Variants in NAE1 observed in about 807,000 individuals in gnomAD.
NAE1 encodes NEDD8 activating enzyme E1 subunit 1, also known as NEDD8-activating enzyme E1 regulatory subunit.
In NAE1, 59 loss-of-function variants were observed where a neutral mutation model predicts 88.0. The ratio of observed to expected loss-of-function variants is 0.67; its 90% CI spans 0.54 to 0.83. The LOEUF is 0.83. Ranked by LOEUF, NAE1 falls within the 40% of genes least tolerant of loss-of-function variation. The pLI, the probability that NAE1 is intolerant of heterozygous loss-of-function variation, is 0.00. For missense variants in NAE1, 554 were observed against 632.8 expected, an observed-to-expected ratio of 0.88 and a Z score of 1.34; for synonymous variants, 186 against 208.9, an observed-to-expected ratio of 0.89 and a Z score of 0.95.
chr16:66,823,974 C>T (rs1239457105), intron 4 of NAE1, among the ~76,000 whole-genome samples: 1 of 152,150 alleles, frequency 6.6e-6, no homozygotes, highest in Non-Finnish European at 1.5e-5. Flanking sequence ...TGGTCTCAAG[C>T]AATCCTCCTG....
rs201656477 is a variant in NAE1 at position 66,822,392 on chromosome 16, G to A, written c.402-833C>T. Among the ~76,000 whole-genome samples the A allele has an allele frequency of 7.9e-5, 12 of 152,138 alleles. No individual in the cohort carries two copies. In the East Asian group the frequency reaches 1.4e-3, roughly 17 times the overall value. On this transcript the variant is annotated intron_variant, in intron 6 of 19. Coordinates refer to ENST00000290810, the MANE Select transcript of NAE1 (RefSeq NM_003905.4). ...TTGAGATCAGCCTGGCCAACATGGTGAAACCCCGTCTCTACTACAAATACA... is the reference window on the plus strand; with the variant it reads ...TTGAGATCAGCCTGGCCAACATGGTAAAACCCCGTCTCTACTACAAATACA...
chr16:66,815,820 C>T (rs28570571), intron 11 of NAE1, among the ~76,000 whole-genome samples: 5,137 of 152,004 alleles, frequency 0.034, 225 homozygotes, highest in African/African-American at 0.1. Flanking sequence ...CACCACCATG[C>T]CCAGCTAATT....
At chr16:66,804,504 T>G (rs1401783685) in intron 19 of NAE1, among the ~76,000 whole-genome samples, 1 of 152,228 alleles carries the variant, frequency 6.6e-6, no homozygotes, top group Non-Finnish European at 1.5e-5. Context: ...GTCTGTATGA[T>G]GCATTTACAT....
Position 66,802,937 on chromosome 16 carries a change from A to G in NAE1, c.*72T>C. The G allele has an allele frequency of 1.1e-6, 1 of 905,384 alleles. No homozygotes were observed. The highest frequency in any genetic ancestry group is 1.8e-6 in the Non-Finnish European group (1 of 558,812). 56.1% of individuals were successfully genotyped at this position (905,384 alleles called of 1,614,324 possible). On this transcript the variant is annotated 3_prime_UTR_variant, in exon 20 of 20. Transcript: ENST00000290810. ...TTTAGCAGCTCTCCTTTAGAATTTTACAGACTAAAGCACAACCCGAAGGCA... is the reference window on the plus strand; with the variant it reads ...TTTAGCAGCTCTCCTTTAGAATTTTGCAGACTAAAGCACAACCCGAAGGCA...
chr16:66,813,635 T>G lies in NAE1; in HGVS notation c.963A>C (p.Gly321=). ...LKEFVAKEGQ[G]NLPVRGTIPD... is the part of the protein sequence containing the mutation. ...GAATTGTGCCTCGAACAGGTAAATTTCCTTGACCCTCTTTGGCCACAAATT... is the reference window on the plus strand; with the variant it reads ...GAATTGTGCCTCGAACAGGTAAATTGCCTTGACCCTCTTTGGCCACAAATT... The change falls in exon 13 of 20, where the codon GGA becomes GGC. Residue 321 remains glycine, a synonymous_variant. Coordinates refer to ENST00000290810, the MANE Select transcript of NAE1 (RefSeq NM_003905.4). 6.2e-7 allele frequency: 1 copy of G among 1,614,082 alleles called. No individual in the cohort carries two copies. Among genetic ancestry groups the G allele is most frequent in the Non-Finnish European group, 8.5e-7 (1 of 1,179,960 alleles).
intron 17 of NAE1, among the ~76,000 whole-genome samples, chr16:66,807,318 T>A (rs567330876): frequency 1.3e-5 from 2 of 152,328 alleles, no homozygotes; most frequent in East Asian, 1.9e-4. Flanking sequence ...TTATTCTTTT[T>A]TTTTCTTCTA....
At chr16:66,820,692 G>A (rs1960215315) in intron 7 of NAE1, among the ~76,000 whole-genome samples, 1 of 152,184 alleles carries the variant, frequency 6.6e-6, no homozygotes, top group African/African-American at 2.4e-5. Flanking sequence ...ACGAGGTCAG[G>A]AGATTGAGAC....
chr16:66,816,514 CA>C, intron 11 of NAE1, 66 bp downstream of exon 11: 1 of 1,088,178 alleles, frequency 9.2e-7, no homozygotes, highest in Non-Finnish European at 1.4e-6. Flanking sequence ...TATAGTCAAC[CA>C]TTTAATAGCC....
At chr16:66,828,211 C>T (rs1960541435) in intron 1 of NAE1, 1 of 680,634 alleles carries the variant, frequency 1.5e-6, no homozygotes, top group East Asian at 2.8e-5. Context: ...TGCATCTTGG[C>T]TGGGCGCAGT....
intron 7 of NAE1, 37 bp from the exon 8 acceptor site, chr16:66,818,674 C>CT (rs745969598): frequency 2.6e-6 from 4 of 1,549,552 alleles, no homozygotes; most frequent in Non-Finnish European, 2.6e-6. Flanking sequence ...AAATTTAACA[C>CT]TTAAAAAAAA....
intron 1 of NAE1, among the ~76,000 whole-genome samples, chr16:66,830,251 T>C (rs1960640551): frequency 6.6e-6 from 1 of 152,138 alleles, no homozygotes; most frequent in East Asian, 1.9e-4. Flanking sequence ...AAAAACCTCG[T>C]TTCTACAAAA....
intron 1 of NAE1, among the ~76,000 whole-genome samples, chr16:66,830,555 CGAG>C (rs1364392401): frequency 2.6e-5 from 4 of 152,210 alleles, no homozygotes; most frequent in Non-Finnish European, 5.9e-5. Flanking sequence ...ATTCGGAAAA[CGAG>C]GAGCCTGGGC....
chr16:66,808,913 C>T, intron 16 of NAE1, 76 bp downstream of exon 16: 1 of 966,006 alleles, frequency 1.0e-6, no homozygotes, highest in Non-Finnish European at 1.5e-6. Context: ...ATATACTCAA[C>T]ACTATTATAC....
chr16:66,821,661 T>A, intron 6 of NAE1, 102 bp from the exon 7 acceptor site: 1 of 961,468 alleles, frequency 1.0e-6, no homozygotes, highest in Non-Finnish European at 1.5e-6. Flanking sequence ...ACTTTCTTAC[T>A]AAATAATAGA....
intron 1 of NAE1, among the ~76,000 whole-genome samples, chr16:66,830,080 T>C (rs1302244238): frequency 6.6e-6 from 1 of 151,966 alleles, no homozygotes; most frequent in Non-Finnish European, 1.5e-5. Context: ...AGAAACAGGG[T>C]TTCACCATGT....
chr16:66,810,759 C>T lies in NAE1; in HGVS notation c.1048G>A (p.Ala350Thr). 1 of 1,614,058 alleles carries T rather than the reference C, an allele frequency of 6.2e-7. No homozygotes were observed. The highest frequency in any genetic ancestry group is 8.5e-7 in the Non-Finnish European group (1 of 1,179,990). The change falls in exon 14 of 20, where the codon GCA becomes ACA. Residue 350 changes from alanine (A) to threonine (T), a missense_variant. Physicochemically the swap from Ala to Thr is moderately conservative, Grantham distance 58 (BLOSUM62 0). Transcript: ENST00000290810. Reference sequence around the variant, plus strand: ...CCCACAGCGGCAGCATCTTTCTTTGCTTTTTCACGGTAACTAAAAAAGAAT... The same window carrying T: ...CCCACAGCGGCAGCATCTTTCTTTGTTTTTTCACGGTAACTAAAAAAGAAT... ...IKLQNVYREKAKKDAAAVGNH... is the reference protein window; with the variant it reads ...IKLQNVYREKTKKDAAAVGNH...
At chr16:66,818,444 CTCACTTTAGTG>C (rs1395946057) in intron 8 of NAE1, 73 bp downstream of exon 8, 10 of 966,038 alleles carry the variant, frequency 1.0e-5, no homozygotes, top group Non-Finnish European at 1.4e-5. Context: ...ATAGGATTTT[CTCACTTTAGTG>C]TAATTCAAAA....
intron 14 of NAE1, 125 bp from the exon 15 acceptor site, chr16:66,810,538 A>G (rs1410978781): frequency 2.4e-5 from 27 of 1,128,860 alleles, no homozygotes; most frequent in Non-Finnish European, 3.5e-5. Flanking sequence ...CACTTTAAAA[A>G]TATCTTGTTT....
intron 1 of NAE1, 35 bp downstream of exon 1, chr16:66,830,812 C>T: frequency 1.3e-6 from 2 of 1,508,096 alleles, no homozygotes; most frequent in Non-Finnish European, 1.8e-6. Context: ...GGAAAGCCCG[C>T]CGGCCCGCCC....
Sources: gnomAD v4.1 joint callset for allele counts (sites outside exome capture counted in the v4.1 genomes callset) on GRCh38, gnomAD v4.1.1 for gene constraint, MANE v1.5 for transcripts, NCBI Gene and HGNC (gene_info 2026-07-23, HGNC 2026-07-21) for gene names.